Variants in MNAT1 observed in about 807,000 individuals in gnomAD.
The protein encoded by MNAT1 is MNAT1 component of CDK activating kinase.
Under a neutral mutation model 42.0 loss-of-function variants are expected in MNAT1, and 43 were observed. The observed-to-expected ratio is 1.02, with a 90% confidence interval of 0.80 to 1.32. MNAT1 has a LOEUF of 1.32. Ranked by LOEUF, MNAT1 falls within the 40% of genes most tolerant of loss-of-function variation. The pLI is 0.00. For synonymous variants in MNAT1, 118 were observed against 120.0 expected (o/e 0.98, Z 0.11); for missense variants, 306 against 350.4 (o/e 0.87, Z 1.01).
chr14:60,896,756 G>T (rs2034965999), intron 7 of MNAT1, among the ~76,000 whole-genome samples: 1 of 152,120 alleles, frequency 6.6e-6, no homozygotes, highest in Admixed American at 6.5e-5. Flanking sequence ...AAAGTGCTGG[G>T]ATTACAGGCA....
At chr14:60,903,312 C>G (rs868395689) in intron 7 of MNAT1, among the ~76,000 whole-genome samples, 1 of 151,946 alleles carries the variant, frequency 6.6e-6, no homozygotes, top group African/African-American at 2.4e-5. Flanking sequence ...ATAGCAAGTA[C>G]TTCCTATATT....
At chr14:60,823,546 C>T (rs1416591206) in intron 6 of MNAT1, among the ~76,000 whole-genome samples, 1 of 152,120 alleles carries the variant, frequency 6.6e-6, no homozygotes, top group Non-Finnish European at 1.5e-5. Context: ...GCATCATTAC[C>T]TTTTATATCT....
chr14:60,749,461 A>T (rs990800812), intron 1 of MNAT1, among the ~76,000 whole-genome samples: 11 of 152,200 alleles, frequency 7.2e-5, no homozygotes, highest in African/African-American at 2.7e-4. Flanking sequence ...TACTGACAGT[A>T]TGATTGCCTG....
At chr14:60,959,520 A>G (rs1305068492) in intron 7 of MNAT1, among the ~76,000 whole-genome samples, 1 of 22,532 alleles carries the variant, frequency 4.4e-5, no homozygotes, top group African/African-American at 7.9e-5. Flanking sequence ...CTCCATTGCC[A>G]TGCCAGTGAT....
At chr14:60,881,668 T>A (rs898985234) in intron 7 of MNAT1, among the ~76,000 whole-genome samples, 7 of 152,026 alleles carry the variant, frequency 4.6e-5, no homozygotes, top group Admixed American at 2.6e-4. Context: ...GGGCACATAG[T>A]AGGTATATAT....
chr14:60,738,352 T>C (rs1896368782), intron 1 of MNAT1, among the ~76,000 whole-genome samples: 1 of 149,022 alleles, frequency 6.7e-6, no homozygotes, highest in African/African-American at 2.5e-5. Flanking sequence ...ACCTCCCAGG[T>C]TCAAGTGATT....
intron 1 of MNAT1, among the ~76,000 whole-genome samples, chr14:60,794,103 A>G (rs2031921360): frequency 6.6e-6 from 1 of 152,172 alleles, no homozygotes; most frequent in Non-Finnish European, 1.5e-5. Context: ...AGACCTTGAG[A>G]TATATTAATG....
intron 5 of MNAT1, among the ~76,000 whole-genome samples, chr14:60,818,391 A>T (rs2032779885): frequency 6.6e-6 from 1 of 152,060 alleles, no homozygotes; most frequent in African/African-American, 2.4e-5. Flanking sequence ...TTAGATAAAC[A>T]TCTGATCTAA....
chr14:60,908,595 A>G (rs2035270387), intron 7 of MNAT1, among the ~76,000 whole-genome samples: 1 of 151,542 alleles, frequency 6.6e-6, no homozygotes, highest in Non-Finnish European at 1.5e-5. Context: ...TCCTTGCGAT[A>G]GTTTGCTGAG....
intron 1 of MNAT1, among the ~76,000 whole-genome samples, chr14:60,779,516 C>T (rs950867463): frequency 6.6e-6 from 1 of 152,044 alleles, no homozygotes; most frequent in South Asian, 2.1e-4. Context: ...CGGCTGGGCG[C>T]GGTGGCCCAC....
At chr14:60,762,283 G>A (rs2030632236) in intron 1 of MNAT1, among the ~76,000 whole-genome samples, 1 of 152,102 alleles carries the variant, frequency 6.6e-6, no homozygotes, top group South Asian at 2.1e-4. Flanking sequence ...GCAAGACTCA[G>A]CTTCATGAAA....
At chr14:60,957,472 A>C (rs1448372249) in intron 7 of MNAT1, among the ~76,000 whole-genome samples, 2 of 152,176 alleles carry the variant, frequency 1.3e-5, no homozygotes, top group Non-Finnish European at 2.9e-5. Context: ...AACAGATCTC[A>C]TGAGACTTAC....
At chr14:60,760,605 T>C (rs1159374125) in intron 1 of MNAT1, among the ~76,000 whole-genome samples, 1 of 152,266 alleles carries the variant, frequency 6.6e-6, no homozygotes, top group Non-Finnish European at 1.5e-5. Context: ...TTTAACTTTC[T>C]GAGCAATAAA....
At chr14:60,855,911 A>G (rs2033947654) in intron 6 of MNAT1, among the ~76,000 whole-genome samples, 1 of 152,040 alleles carries the variant, frequency 6.6e-6, no homozygotes, top group Non-Finnish European at 1.5e-5. Context: ...CGTGTGTTCT[A>G]CTCCACCAAT....
chr14:60,911,298 T>G (rs1037945442), intron 7 of MNAT1, among the ~76,000 whole-genome samples: 51 of 152,228 alleles, frequency 3.4e-4, no homozygotes, highest in South Asian at 1.5e-3. Context: ...TTGATTTTTT[T>G]AAGGGTTTTT....
At chr14:60,909,716 G>A (rs2035302870) in intron 7 of MNAT1, among the ~76,000 whole-genome samples, 1 of 152,140 alleles carries the variant, frequency 6.6e-6, no homozygotes, top group South Asian at 2.1e-4. Flanking sequence ...ATGCTGTTTT[G>A]GTTACTGTAG....
intron 7 of MNAT1, among the ~76,000 whole-genome samples, chr14:60,950,001 G>C (rs1340821859): frequency 6.6e-6 from 1 of 152,004 alleles, no homozygotes; most frequent in East Asian, 1.9e-4. Context: ...ATTTTTACTG[G>C]CTGGAAAATA....
At chr14:60,764,866 A>T (rs1566756540) in intron 1 of MNAT1, among the ~76,000 whole-genome samples, 1 of 152,186 alleles carries the variant, frequency 6.6e-6, no homozygotes, top group Admixed American at 6.5e-5. Context: ...AGAAAAAGGA[A>T]ATATAAAGGA....
chr14:60,910,636 T>C (rs1423471964), intron 7 of MNAT1, among the ~76,000 whole-genome samples: 3 of 152,228 alleles, frequency 2.0e-5, no homozygotes, highest in Non-Finnish European at 4.4e-5. Context: ...ATTATTGATT[T>C]GTGTATGTTG....
Sources: allele counts gnomAD v4.1 joint callset (sites outside exome capture counted in the v4.1 genomes callset), GRCh38; gene constraint gnomAD v4.1.1; transcripts MANE v1.5; gene names NCBI Gene and HGNC (gene_info 2026-07-23, HGNC 2026-07-21).